The following GAN variants were observed in gnomAD, a reference collection of about 807,000 sequenced individuals.
The protein encoded by GAN is gigaxonin.
In GAN, 48 loss-of-function variants were observed where a neutral mutation model predicts 71.3. That is an observed-to-expected ratio of 0.67 (90% CI 0.53 to 0.86). The LOEUF (loss-of-function observed/expected upper bound fraction) is 0.86. Ranked by LOEUF, GAN falls within the 40% of genes least tolerant of loss-of-function variation. GAN has a pLI of 0.00. For synonymous variants in GAN, 386 were observed against 276.8 expected (o/e 1.39, Z -3.92); for missense variants, 928 against 770.1 (o/e 1.21, Z -2.43).
At position 81,356,986 on chromosome 16, in the gene GAN, G is replaced by A; in HGVS notation, c.835G>A (p.Gly279Ser). 1 of 1,605,750 alleles carries A rather than the reference G, an allele frequency of 6.2e-7. No individual in the cohort carries two copies. Among genetic ancestry groups the A allele is most frequent in the Non-Finnish European group, 8.5e-7 (1 of 1,173,272 alleles). ...CTACTCTGAGTGCATCGTGACTGTT[G>A]GTGGAGAAGAGAGAGTGTAAGTATG... Reference protein sequence around the residue: ...RGYSECIVTVGGEERVSRKPT... With the variant: ...RGYSECIVTVSGEERVSRKPT... The change falls in exon 4 of 11, where the codon GGT becomes AGT. Residue 279 changes from glycine (G) to serine (S), a missense_variant. By Grantham distance (56) the Gly-to-Ser change is moderately conservative (BLOSUM62 0). Transcript: ENST00000648994.
intron 2 of GAN, among the ~76,000 whole-genome samples, chr16:81,352,721 C>G (rs911717042): frequency 1.3e-5 from 2 of 152,124 alleles, no homozygotes; most frequent in African/African-American, 4.8e-5. Flanking sequence ...CATGCTTTCT[C>G]TCTTCTCTCA....
chr16:81,338,718 A>G (rs1335644981), intron 1 of GAN, among the ~76,000 whole-genome samples: 1 of 152,226 alleles, frequency 6.6e-6, no homozygotes, highest in Non-Finnish European at 1.5e-5. Flanking sequence ...TAAATTAGAA[A>G]GGAACGGTGA....
intron 1 of GAN, among the ~76,000 whole-genome samples, chr16:81,346,824 G>T (rs1029797339): frequency 6.6e-6 from 1 of 152,184 alleles, no homozygotes; most frequent in Non-Finnish European, 1.5e-5. Flanking sequence ...GCAGGAGGCA[G>T]GTCTCTTCAC....
chr16:81,331,472 G>T (rs1481808073), intron 1 of GAN, among the ~76,000 whole-genome samples: 1 of 152,152 alleles, frequency 6.6e-6, no homozygotes, highest in Non-Finnish European at 1.5e-5. Context: ...TAATTGCAGG[G>T]TGCAAAGGAA....
At chr16:81,371,611 G>A (rs1011339061) in intron 9 of GAN, among the ~76,000 whole-genome samples, 40 of 152,054 alleles carry the variant, frequency 2.6e-4, no homozygotes, top group African/African-American at 9.4e-4. Flanking sequence ...GAGTGGATGC[G>A]CACAAATTGA....
intron 1 of GAN, among the ~76,000 whole-genome samples, chr16:81,342,734 G>C (rs1381657963): frequency 6.6e-6 from 1 of 152,084 alleles, no homozygotes; most frequent in Admixed American, 6.5e-5. Context: ...AGAGAAGCAA[G>C]AGCAAACACA....
intron 9 of GAN, among the ~76,000 whole-genome samples, chr16:81,375,896 A>G (rs557812754): frequency 6.6e-6 from 1 of 151,526 alleles, no homozygotes; most frequent in East Asian, 2.0e-4. Context: ...CTAGAGTCCA[A>G]GAGGTTGAGA....
At chr16:81,357,696 G>A in intron 4 of GAN, 114 bp from the exon 5 acceptor site, 1 of 1,019,934 alleles carries the variant, frequency 9.8e-7, no homozygotes, top group Non-Finnish European at 1.5e-6. Flanking sequence ...ACTTCCACAA[G>A]GGTTTTTAAA....
rs748650343 is a variant in GAN, at chr16:81,351,707, GAAAC to G, written c.282+14_282+17del. 2 of 1,233,426 alleles carry G rather than the reference GAAAC, an allele frequency of 1.6e-6. No individual in the cohort carries two copies. Among genetic ancestry groups the G allele is most frequent in the South Asian group, 2.4e-5 (2 of 83,650 alleles). 76.4% of individuals were successfully genotyped at this position (1,233,426 alleles called of 1,614,324 possible). On this transcript the variant is annotated intron_variant, in intron 2 of 10. Coordinates refer to ENST00000648994, the MANE Select transcript of GAN (RefSeq NM_022041.4). ...CATCTTCAGTGGGCAGGTATGATGA[GAAAC>G]AAAGGAAGGAAGACCTAAGTAGAGG... is the stretch of plus-strand genomic sequence containing the variant.
intron 9 of GAN, among the ~76,000 whole-genome samples, chr16:81,375,800 T>C (rs1904277948): frequency 1.3e-5 from 2 of 151,346 alleles, no homozygotes. Context: ...ACCTCATCTC[T>C]ATGGAAAAAA....
Position 81,389,167 on chromosome 16 carries a change from C to T in GAN, c.*11571C>T, listed in dbSNP as rs889076671. On this transcript the variant is annotated 3_prime_UTR_variant, in exon 11 of 11. Transcript: ENST00000648994. ...TGTGTTGGGAAATGTATCAAGTGAC[C>T]TTCAGTTAAGAAAAGCACAGGCTGT... 1 of 152,124 alleles carries T rather than the reference C, an allele frequency of 6.6e-6. No homozygotes were observed. The highest frequency in any genetic ancestry group is 1.5e-5 in the Non-Finnish European group (1 of 68,016). 9.4% of individuals were successfully genotyped at this position (152,124 alleles called of 1,614,324 possible). A position where few individuals can be genotyped will look rare whatever the true frequency, so the allele number is the denominator to read the frequency against.
At chr16:81,320,910 CT>C (rs1013580337) in intron 1 of GAN, among the ~76,000 whole-genome samples, 123 of 148,148 alleles carry the variant, frequency 8.3e-4, no homozygotes, top group African/African-American at 2.5e-3. Flanking sequence ...TTTTCCTTTT[CT>C]TTTTTTTTTC....
In GAN at chr16:81,380,356, G is replaced by T. The variant is rs201351657; in HGVS notation, c.*2760G>T. Reference sequence around the variant, plus strand: ...TTGGGGGAAGTGCAATTTATTTTCAGAAGGAAAGTTGTCTCAGGTTAGAAT... The same window carrying T: ...TTGGGGGAAGTGCAATTTATTTTCATAAGGAAAGTTGTCTCAGGTTAGAAT... On this transcript the variant is annotated 3_prime_UTR_variant, in exon 11 of 11. Coordinates refer to ENST00000648994, the MANE Select transcript of GAN (RefSeq NM_022041.4). 1 of 152,576 alleles carries T rather than the reference G, an allele frequency of 6.6e-6. No homozygotes were observed. Among genetic ancestry groups the T allele is most frequent in the African/African-American group, 2.4e-5 (1 of 41,412 alleles). 9.5% of individuals were successfully genotyped at this position (152,576 alleles called of 1,614,324 possible).
intron 1 of GAN, among the ~76,000 whole-genome samples, chr16:81,340,955 G>A (rs1024305350): frequency 1.3e-5 from 2 of 151,874 alleles, no homozygotes; most frequent in African/African-American, 4.8e-5. Flanking sequence ...TAAATGACCT[G>A]ATGGAGCTGA....
intron 1 of GAN, among the ~76,000 whole-genome samples, chr16:81,348,971 A>G (rs1315786299): frequency 6.6e-6 from 1 of 152,154 alleles, no homozygotes; most frequent in Non-Finnish European, 1.5e-5. Flanking sequence ...CTCAGTTACA[A>G]TACACCTACC....
chr16:81,323,411 T>G (rs1468960545), intron 1 of GAN, among the ~76,000 whole-genome samples: 3 of 152,226 alleles, frequency 2.0e-5, no homozygotes, highest in African/African-American at 7.2e-5. Context: ...TTTATAGGCT[T>G]CTTTCATAGT....
intron 8 of GAN, 28 bp downstream of exon 8, chr16:81,365,138 G>A: frequency 6.2e-7 from 1 of 1,611,014 alleles, no homozygotes; most frequent in South Asian, 1.1e-5. Flanking sequence ...GGACTTTGTA[G>A]ATTCCCTTGC....
chr16:81,376,013 C>T (rs1433594637), intron 9 of GAN, among the ~76,000 whole-genome samples: 1 of 151,444 alleles, frequency 6.6e-6, no homozygotes, highest in African/African-American at 2.4e-5. Context: ...GACCAATAAG[C>T]TCAGGCAAAG....
rs1307294246 is a variant in GAN, at chr16:81,384,022, A to T, written c.*6426A>T. 1 of 152,152 alleles carries T rather than the reference A, an allele frequency of 6.6e-6. No homozygotes were observed. Among genetic ancestry groups the T allele is most frequent in the African/African-American group, 2.4e-5 (1 of 41,440 alleles). The allele number at this position is 152,152 out of a possible 1,614,324, so 9.4% of individuals were successfully genotyped here. A position where few individuals can be genotyped will look rare whatever the true frequency, so the allele number is the denominator to read the frequency against. ...TTAGAAACTTGGGTTAAATTTTTTC[A>T]AGTTATACCAGTCAACTTGGTTTAA... On this transcript the variant is annotated 3_prime_UTR_variant, in exon 11 of 11. Transcript: ENST00000648994.
Sources: allele counts gnomAD v4.1 joint callset (sites outside exome capture counted in the v4.1 genomes callset), GRCh38; gene constraint gnomAD v4.1.1; transcripts MANE v1.5; gene names NCBI Gene and HGNC (gene_info 2026-07-23, HGNC 2026-07-21).